TUSC3: variants seen among roughly 807,000 people sequenced by gnomAD.
The protein encoded by TUSC3 is dolichyl-diphosphooligosaccharide--protein glycosyltransferase subunit TUSC3.
In TUSC3, 45 loss-of-function variants were observed where a neutral mutation model predicts 44.8. The observed-to-expected ratio is 1.00, with a 90% confidence interval of 0.79 to 1.29. The LOEUF (loss-of-function observed/expected upper bound fraction) is 1.29, where lower values mean the gene tolerates loss of function less well. Among genes scored for constraint, TUSC3 ranks in the 50% most tolerant of loss-of-function variants. The pLI, the probability that TUSC3 is intolerant of heterozygous loss-of-function variation, is 0.00. For synonymous variants in TUSC3, 212 were observed against 152.9 expected (o/e 1.39, Z -2.85); for missense variants, 519 against 437.9 (o/e 1.19, Z -1.65).
intron 2 of TUSC3, among the ~76,000 whole-genome samples, chr8:15,511,152 C>A (rs1438421994): frequency 2.0e-5 from 3 of 152,082 alleles, no homozygotes; most frequent in African/African-American, 7.2e-5. Context: ...AACATGAATG[C>A]TTTCTCCCAT....
chr8:15,476,112 G>A (rs1800571617), intron 1 of TUSC3, among the ~76,000 whole-genome samples: 1 of 152,292 alleles, frequency 6.6e-6, no homozygotes, highest in East Asian at 1.9e-4. Context: ...AGTGCAGCCT[G>A]TACCCAAAGA....
intron 10 of TUSC3, among the ~76,000 whole-genome samples, chr8:15,763,605 CA>C (rs1199207852): frequency 6.6e-6 from 1 of 151,754 alleles, no homozygotes; most frequent in African/African-American, 2.4e-5. Flanking sequence ...TACCATCTTA[CA>C]AAATTAAATT....
At chr8:15,476,806 A>G (rs56766981) in intron 1 of TUSC3, among the ~76,000 whole-genome samples, 27,899 of 152,198 alleles carry the variant, frequency 0.18, 2,766 homozygotes, top group Admixed American at 0.28. Flanking sequence ...TGTACACCCC[A>G]TGCAAATGAA....
At chr8:15,735,840 C>CA (rs1270835480) in intron 7 of TUSC3, among the ~76,000 whole-genome samples, 2 of 151,956 alleles carry the variant, frequency 1.3e-5, no homozygotes, top group Admixed American at 1.3e-4. Flanking sequence ...GCTGGGACTA[C>CA]AGGTGCACGC....
At chr8:15,573,765 C>G (rs1248562430) in intron 1 of TUSC3, among the ~76,000 whole-genome samples, 1 of 152,086 alleles carries the variant, frequency 6.6e-6, no homozygotes, top group East Asian at 1.9e-4. Flanking sequence ...AGCCCTGCTT[C>G]TGAAGGCTGA....
intron 2 of TUSC3, among the ~76,000 whole-genome samples, chr8:15,530,535 C>T (rs1166568413): frequency 6.6e-6 from 1 of 152,132 alleles, no homozygotes; most frequent in Non-Finnish European, 1.5e-5. Flanking sequence ...AATAATCTGC[C>T]TGAGGTCACA....
At chr8:15,806,111 G>C in the TUSC3 span, 1 of 413,090 alleles carries the variant, frequency 2.4e-6, no homozygotes, top group South Asian at 2.1e-5. Flanking sequence ...CTCAGCTTTG[G>C]AGGTGAAGGT....
chr8:15,432,820 T>A (rs558772260), intron 1 of TUSC3, among the ~76,000 whole-genome samples: 7 of 150,414 alleles, frequency 4.7e-5, no homozygotes, highest in African/African-American at 1.7e-4. Context: ...TTCCCCCACA[T>A]GGAAAACTAC....
At chr8:15,438,160 T>A (rs777675139) in intron 1 of TUSC3, among the ~76,000 whole-genome samples, 2 of 152,176 alleles carry the variant, frequency 1.3e-5, no homozygotes, top group Non-Finnish European at 2.9e-5. Flanking sequence ...AATGGCACAG[T>A]CTCGGCTCCC....
At chr8:15,448,439 A>T (rs1800141385) in intron 1 of TUSC3, among the ~76,000 whole-genome samples, 1 of 152,116 alleles carries the variant, frequency 6.6e-6, no homozygotes, top group African/African-American at 2.4e-5. Context: ...ATTTATACTG[A>T]TAAAAGGTGA....
At chr8:15,758,255 A>C in intron 10 of TUSC3, 1 of 985,684 alleles carries the variant, frequency 1.0e-6, no homozygotes, top group Non-Finnish European at 1.2e-6. Flanking sequence ...TTCAAGGGTA[A>C]TAAAAAATAC....
At chr8:15,627,483 C>G (rs979949813) in intron 2 of TUSC3, among the ~76,000 whole-genome samples, 24 of 152,304 alleles carry the variant, frequency 1.6e-4, no homozygotes, top group Admixed American at 1.1e-3. Context: ...AATGGCAAGG[C>G]TAAAAGAGCT....
intron 6 of TUSC3, among the ~76,000 whole-genome samples, chr8:15,699,601 T>C (rs1809311479): frequency 6.6e-6 from 1 of 152,212 alleles, no homozygotes; most frequent in African/African-American, 2.4e-5. Flanking sequence ...ATAATACTTG[T>C]ATTTTCAAAT....
chr8:15,617,570 T>A (rs1201000568), intron 1 of TUSC3, among the ~76,000 whole-genome samples: 1 of 152,190 alleles, frequency 6.6e-6, no homozygotes, highest in African/African-American at 2.4e-5. Flanking sequence ...AAGCCAGATG[T>A]ATATTTACTT....
At chr8:15,754,191 C>A (rs116932507) in intron 9 of TUSC3, among the ~76,000 whole-genome samples, 1 of 152,060 alleles carries the variant, frequency 6.6e-6, no homozygotes, top group African/African-American at 2.4e-5. Flanking sequence ...ACAACACATA[C>A]TCCCGAAGGT....
chr8:15,446,596 G>A (rs1035643911), intron 1 of TUSC3, among the ~76,000 whole-genome samples: 1 of 151,776 alleles, frequency 6.6e-6, no homozygotes, highest in Non-Finnish European at 1.5e-5. Context: ...GCGTGGCGGC[G>A]GGCGCCTGCA....
chr8:15,790,515 G>T, the TUSC3 span, among the ~76,000 whole-genome samples: 6 of 152,032 alleles, frequency 3.9e-5, no homozygotes, highest in African/African-American at 1.4e-4. Flanking sequence ...TCATGGTGCC[G>T]ATGGGAGTGT....
chr8:15,506,060 A>G (rs1032277614), intron 2 of TUSC3, among the ~76,000 whole-genome samples: 1 of 152,242 alleles, frequency 6.6e-6, no homozygotes, highest in African/African-American at 2.4e-5. Context: ...GAGATTTTGC[A>G]TCAGTGATTG....
chr8:15,528,123 G>T (rs1175419118), intron 2 of TUSC3, among the ~76,000 whole-genome samples: 1 of 151,874 alleles, frequency 6.6e-6, no homozygotes, highest in Admixed American at 6.6e-5. Flanking sequence ...AAAACATAAT[G>T]ATTAATTATA....
Sources: gnomAD v4.1 joint callset for allele counts (sites outside exome capture counted in the v4.1 genomes callset) on GRCh38, gnomAD v4.1.1 for gene constraint, MANE v1.5 for transcripts, NCBI Gene and HGNC (gene_info 2026-07-23, HGNC 2026-07-21) for gene names.